ISLR2: variants seen among roughly 807,000 people sequenced by gnomAD.
ISLR2 encodes the protein immunoglobulin superfamily containing leucine-rich repeat protein 2.
ISLR2 carries 16 observed loss-of-function variants against 25.5 expected under a neutral mutation model. The observed-to-expected ratio is 0.63, with a 90% CI of 0.43 to 0.95. ISLR2 has a LOEUF of 0.95. ISLR2 is among the 40% of genes least tolerant of loss of function. The pLI, the probability that ISLR2 is intolerant of heterozygous loss-of-function variation, is 0.00. For missense variants in ISLR2, 883 were observed against 1,030.7 expected (o/e 0.86, Z 1.96); for synonymous variants, 508 against 486.6 (o/e 1.04, Z -0.58).
upstream of ISLR2, chr15:74,127,452 A>C (rs2072313110): frequency 6.6e-6 from 1 of 152,284 alleles, no homozygotes; most frequent in Admixed American, 6.5e-5. Context: ...GAAACTACGC[A>C]GCGCGAAGTA....
At position 74,132,762 on chromosome 15, in the gene ISLR2, C is replaced by G. The variant is rs775725979; in HGVS notation, c.8C>G (p.Pro3Arg). MF[P>R]LRALWLVWAL... Reference sequence around the variant, plus strand: ...CCATCTGCAGGAGCCGCGATGTTCCCCCTTCGGGCCCTGTGGTTGGTCTGG... The same window carrying G: ...CCATCTGCAGGAGCCGCGATGTTCCGCCTTCGGGCCCTGTGGTTGGTCTGG... The change falls in exon 3 of 3, where the codon CCC becomes CGC. Residue 3 changes from proline (P) to arginine (R), a missense_variant. Pro to Arg is a moderately radical substitution (Grantham distance 103). Around this residue, in one of 2 missense-constraint regions of ISLR2, gnomAD observed 271 missense variants for 387.9 expected, o/e 0.70. Transcript: ENST00000453268. This position sits in a 1 kb window ranked among gnomAD's most constrained non-coding sequence, Gnocchi z 4.3. The G allele has an allele frequency of 1.2e-6, 2 of 1,608,490 alleles. No homozygotes were observed. Among genetic ancestry groups the G allele is most frequent in the African/African-American group, 2.7e-5 (2 of 74,948 alleles).
In ISLR2 at chr15:74,134,717, G is replaced by C. The variant is rs745721934; in HGVS notation, c.1963G>C (p.Glu655Gln). Residue 655 changes from glutamate (E) to glutamine (Q), a missense_variant, in exon 3 of 3, where the codon GAG becomes CAG. Physicochemically the swap from Glu to Gln is conservative, Grantham distance 29. This residue lies in a region of ISLR2 where 612 missense variants were observed against 642.8 expected (regional missense o/e 0.95). Transcript: ENST00000453268. ...FDPRASYLESEKSYPAGGEAG... is the reference protein window; with the variant it reads ...FDPRASYLESQKSYPAGGEAG... ...CCCGCGTGCTTCGTACCTCGAGTCC[G>C]AGAAAAGCTACCCGGCAGGCGGCGA... 1.2e-6 allele frequency: 2 copies of C among 1,614,012 alleles called. No individual in the cohort carries two copies. The highest frequency in any genetic ancestry group is 2.7e-5 in the African/African-American group (2 of 74,944).
chr15:74,139,680 G>C (rs2072600373), downstream of ISLR2, among the ~76,000 whole-genome samples: 3 of 152,184 alleles, frequency 2.0e-5, 1 homozygote, highest in South Asian at 6.2e-4. Flanking sequence ...GAACCTACCA[G>C]GTGTGGAGGT....
At position 74,108,479 on chromosome 15, in the gene ISLR2, A is replaced by AC. The variant is rs558043472; in HGVS notation, n.228+4571dup. Among the ~76,000 whole-genome samples, 111 of 151,250 alleles carry AC rather than the reference A, an allele frequency of 7.3e-4. 4 individuals are homozygous for AC. The South Asian group carries it at 0.023, about 31-fold the overall frequency. ...TCCACAGCAGCACTGCCGCCCCCAG[A>AC]CCCCCCAAAGCCCCATGTCCACGCA... is the stretch of plus-strand genomic sequence containing the variant. On this transcript the variant is annotated intron_variant and non_coding_transcript_variant, in intron 2 of 3. Coordinates refer to the ISLR2 transcript ENST00000561975.
chr15:74,133,752 T>A lies in ISLR2; in HGVS notation c.998T>A (p.Leu333Gln). ...GCGCCCCCAGCCACACCGCGCTTCC[T>A]GGCCCTCGCAAATGGCTCCCTGTTG... ...WPAPPATPRF[L>Q]ALANGSLLVP... The change falls in exon 3 of 3, where the codon CTG (leucine) becomes CAG (glutamine). Residue 333 changes from leucine (L) to glutamine (Q), a missense_variant. Leu to Gln is a moderately radical substitution (Grantham distance 113). This residue lies in a region of ISLR2 where 612 missense variants were observed against 642.8 expected (regional missense o/e 0.95). Transcript: ENST00000453268. 1 of 1,613,400 alleles carries A rather than the reference T, an allele frequency of 6.2e-7. No homozygotes were observed. Among genetic ancestry groups the A allele is most frequent in the Non-Finnish European group, 8.5e-7 (1 of 1,179,730 alleles).
At position 74,136,355 on chromosome 15, in the gene ISLR2, G is replaced by C. The variant is rs1444688327; in HGVS notation, c.*1363G>C. On this transcript the variant is annotated 3_prime_UTR_variant, in exon 3 of 3. Coordinates refer to ENST00000453268, the MANE Select transcript of ISLR2 (RefSeq NM_020851.3). The stretch of plus-strand genomic sequence containing the variant: ...TCGCGCCCTAGTTCGCACAAAGCCT[G>C]CTCGTGACTGTGCGACTGTGCGACG... 6.1e-6 allele frequency: 1 copy of C among 164,930 alleles called. No homozygotes were observed. The highest frequency in any genetic ancestry group is 6.5e-5 in the Admixed American group (1 of 15,294). 10.2% of individuals were successfully genotyped at this position (164,930 alleles called of 1,614,324 possible). A position where few individuals can be genotyped will look rare whatever the true frequency, so the allele number is the denominator to read the frequency against.
rs79443182 is a variant in ISLR2 at position 74,132,604 on chromosome 15, A to C, written c.-8-143A>C. 2.8e-3 allele frequency: 3,281 copies of C among 1,191,806 alleles called. 82 individuals are homozygous for C. The African/African-American group carries it at 0.045, about 16-fold the overall frequency. 73.8% of individuals were successfully genotyped at this position (1,191,806 alleles called of 1,614,324 possible). On this transcript the variant is annotated intron_variant, in intron 2 of 2. Coordinates refer to ENST00000453268, the MANE Select transcript of ISLR2 (RefSeq NM_020851.3). This position sits in a 1 kb window ranked among gnomAD's most constrained non-coding sequence, Gnocchi z 4.3. ...CGAGATTTTTATTGACCTTCACTTC[A>C]GAGAGGCTCCTGGCCATAGAGGAGG...
chr15:74,135,031 C>T lies in ISLR2; in HGVS notation c.*39C>T. The T allele has an allele frequency of 6.3e-7, 1 of 1,591,340 alleles. No homozygotes were observed. The highest frequency in any genetic ancestry group is 8.6e-7 in the Non-Finnish European group (1 of 1,167,680). On this transcript the variant is annotated 3_prime_UTR_variant, in exon 3 of 3. Coordinates refer to ENST00000453268, the MANE Select transcript of ISLR2 (RefSeq NM_020851.3). ...CGGCCCGCCCATTCCCGACCTCCAC[C>T]TAGGGTGCCTGGGAGCAGCAGTCTA... is the stretch of plus-strand genomic sequence containing the variant.
In ISLR2 at chr15:74,133,402, G is replaced by A; in HGVS notation, c.648G>A (p.Ala216=). The change falls in exon 3 of 3, where the codon GCG becomes GCA. Residue 216 remains alanine, a synonymous_variant. Transcript: ENST00000453268. ...PDSIACASPP[A]LQGVPVYRLP... ...CCATTGCTTGTGCCTCGCCTCCCGC[G>A]CTGCAGGGGGTGCCGGTGTACCGCC... 2 of 1,606,794 alleles carry A rather than the reference G, an allele frequency of 1.2e-6. No homozygotes were observed. Among genetic ancestry groups the A allele is most frequent in the Non-Finnish European group, 8.5e-7 (1 of 1,179,694 alleles).
In ISLR2 at chr15:74,104,308, C is replaced by T. The variant is rs1006244446; in HGVS notation, n.228+394C>T. On this transcript the variant is annotated intron_variant and non_coding_transcript_variant, in intron 2 of 3. Transcript: ENST00000561975. ...ATGCTGCTAAACATCCTGCGAGGCGCAAACAGCTCCAGAACAGAGAACTGT... is the reference window on the plus strand; with the variant it reads ...ATGCTGCTAAACATCCTGCGAGGCGTAAACAGCTCCAGAACAGAGAACTGT... Among the ~76,000 whole-genome samples the T allele has an allele frequency of 2.8e-3, 428 of 152,206 alleles. 2 individuals carry two copies. Among genetic ancestry groups the T allele is most frequent in the African/African-American group, 0.01 (419 of 41,524 alleles).
chr15:74,138,802 T>C (rs1036639545), downstream of ISLR2, among the ~76,000 whole-genome samples: 1 of 152,186 alleles, frequency 6.6e-6, no homozygotes, highest in African/African-American at 2.4e-5. Context: ...TATTATCTCT[T>C]AGGAAGACAC....
At chr15:74,138,841 G>C (rs1171835600), downstream of ISLR2, among the ~76,000 whole-genome samples, 1 of 152,152 alleles carries the variant, frequency 6.6e-6, no homozygotes, top group Non-Finnish European at 1.5e-5. Flanking sequence ...AAATCCTACC[G>C]CTGAGCACGG....
downstream of ISLR2, among the ~76,000 whole-genome samples, chr15:74,137,239 G>A (rs948301258): frequency 4.6e-5 from 7 of 152,252 alleles, no homozygotes; most frequent in Non-Finnish European, 2.9e-5. Flanking sequence ...TCCCTGAGAA[G>A]CCGGTGGGAA....
downstream of ISLR2, among the ~76,000 whole-genome samples, chr15:74,137,354 G>T (rs980978113): frequency 2.6e-5 from 4 of 152,238 alleles, no homozygotes; most frequent in African/African-American, 4.8e-5. Flanking sequence ...GAAAGGGGGA[G>T]AACCTGGCCA....
intron 2 of ISLR2, among the ~76,000 whole-genome samples, chr15:74,117,366 C>A (rs75966510): frequency 0.025 from 3,802 of 152,154 alleles, 159 homozygotes; most frequent in African/African-American, 0.087. Flanking sequence ...GTGGCCAGAT[C>A]TTGTTGATGT....
At chr15:74,109,543 A>G (rs2072149587) in intron 2 of ISLR2, among the ~76,000 whole-genome samples, 1 of 152,192 alleles carries the variant, frequency 6.6e-6, no homozygotes, top group Admixed American at 6.5e-5. Context: ...TGGGGCCCAC[A>G]GGAGGATTTT....
intron 2 of ISLR2, among the ~76,000 whole-genome samples, chr15:74,118,907 T>C (rs1401186850): frequency 6.6e-6 from 1 of 152,240 alleles, no homozygotes; most frequent in East Asian, 1.9e-4. Flanking sequence ...TCCATCCACC[T>C]CAGCCTCCCA....
Position 74,106,536 on chromosome 15 carries a change from GCAGGCT to G in ISLR2, n.228+2623_228+2628del, listed in dbSNP as rs1481069484. Among the ~76,000 whole-genome samples the G allele has an allele frequency of 4.6e-5, 7 of 152,174 alleles. No individual in the cohort carries two copies. The East Asian group carries it at 1.3e-3, about 29-fold the overall frequency. ...TCTGGGCTCTATGTAGGAGAGCTGG[GCAGGCT>G]GGATCCCACCACTGAGTTCAGTCTT... is the stretch of plus-strand genomic sequence containing the variant. On this transcript the variant is annotated intron_variant and non_coding_transcript_variant, in intron 2 of 3. Transcript: ENST00000561975.
At position 74,135,201 on chromosome 15, in the gene ISLR2, C is replaced by A; in HGVS notation, c.*209C>A. ...CTACCCACGGCTGCCATTCTCCCTG[C>A]GGGCTGAATCCCCTTCCCCGCCAAG... On this transcript the variant is annotated 3_prime_UTR_variant, in exon 3 of 3. Transcript: ENST00000453268. 1 of 623,722 alleles carries A rather than the reference C, an allele frequency of 1.6e-6. No individual in the cohort carries two copies. Among genetic ancestry groups the A allele is most frequent in the East Asian group, 2.8e-5 (1 of 35,546 alleles). The allele number at this position is 623,722 out of a possible 1,614,324, so 38.6% of individuals were successfully genotyped here. A position where few individuals can be genotyped will look rare whatever the true frequency, so the allele number is the denominator to read the frequency against.
Sources: allele counts gnomAD v4.1 joint callset (sites outside exome capture counted in the v4.1 genomes callset), GRCh38; gene constraint gnomAD v4.1.1; regional missense constraint gnomAD v4.1.1; non-coding constraint Gnocchi (gnomAD v3.1); transcripts MANE v1.5; gene names NCBI Gene and HGNC (gene_info 2026-07-23, HGNC 2026-07-21).